FRMD3: variants seen among roughly 807,000 people sequenced by gnomAD.
FRMD3 encodes FERM domain containing 3.
Under a neutral mutation model 70.2 loss-of-function variants are expected in FRMD3, and 33 were observed. The ratio of observed to expected loss-of-function variants is 0.47; its 90% CI spans 0.36 to 0.63. The LOEUF (loss-of-function observed/expected upper bound fraction) is 0.63, where lower values mean the gene tolerates loss of function less well. Ranked by LOEUF, FRMD3 falls within the 20% of genes least tolerant of loss-of-function variation. The pLI is 0.00. For synonymous variants in FRMD3, 279 were observed against 255.9 expected (o/e 1.09, Z -0.86); for missense variants, 632 against 711.4 (o/e 0.89, Z 1.27).
intron 1 of FRMD3, among the ~76,000 whole-genome samples, chr9:83,450,647 C>A (rs1420397234): frequency 6.6e-6 from 1 of 152,150 alleles, no homozygotes; most frequent in Non-Finnish European, 1.5e-5. Context: ...CCTCAGCTCC[C>A]TGGAAAGGGA....
chr9:83,541,889 C>T (rs1830003742), upstream of FRMD3, among the ~76,000 whole-genome samples: 1 of 152,126 alleles, frequency 6.6e-6, no homozygotes, highest in Non-Finnish European at 1.5e-5. Flanking sequence ...TACAAATATT[C>T]CCAAATCTGA....
the FRMD3 span, among the ~76,000 whole-genome samples, chr9:83,571,074 G>A: frequency 2.2e-4 from 34 of 152,232 alleles, no homozygotes; most frequent in Non-Finnish European, 3.7e-4. Flanking sequence ...ATTGAGGCTG[G>A]GGGGGATTCC....
chr9:83,523,324 T>C (rs1057018685), intron 1 of FRMD3, among the ~76,000 whole-genome samples: 1 of 150,356 alleles, frequency 6.7e-6, no homozygotes, highest in African/African-American at 2.4e-5. Flanking sequence ...GATGGATGAA[T>C]AGATAGATAG....
chr9:83,525,269 A>C (rs1816203628), intron 1 of FRMD3, among the ~76,000 whole-genome samples: 1 of 152,216 alleles, frequency 6.6e-6, no homozygotes, highest in South Asian at 2.1e-4. Flanking sequence ...CCTGCTACAG[A>C]ATAATCATAT....
chr9:83,322,755 C>A (rs148864012), intron 6 of FRMD3, among the ~76,000 whole-genome samples: 4 of 152,288 alleles, frequency 2.6e-5, no homozygotes, highest in African/African-American at 2.4e-5. Flanking sequence ...TGCCCAGGAA[C>A]CTCTCCTGAC....
chr9:83,330,650 T>G (rs545502466), intron 6 of FRMD3, among the ~76,000 whole-genome samples: 2 of 152,364 alleles, frequency 1.3e-5, no homozygotes, highest in South Asian at 4.1e-4. Context: ...GCCTGCCACC[T>G]GTGTTGTCAA....
chr9:83,318,645 A>C (rs11140023), intron 6 of FRMD3, among the ~76,000 whole-genome samples: 18,904 of 152,040 alleles, frequency 0.12, 1,462 homozygotes, highest in Middle Eastern at 0.17. Flanking sequence ...CTTTGGGTAG[A>C]TATATATACA....
At chr9:83,430,715 T>C (rs1271411431) in intron 1 of FRMD3, among the ~76,000 whole-genome samples, 1 of 152,238 alleles carries the variant, frequency 6.6e-6, no homozygotes, top group African/African-American at 2.4e-5. Context: ...CCCACGTCCA[T>C]ATCTTCGATG....
At chr9:83,352,560 T>C (rs547385588) in intron 3 of FRMD3, among the ~76,000 whole-genome samples, 3 of 152,302 alleles carry the variant, frequency 2.0e-5, no homozygotes, top group Middle Eastern at 3.4e-3. Flanking sequence ...GCTCTGAGGC[T>C]CCAGGAAGGT....
chr9:83,435,885 G>C (rs1827119769), intron 1 of FRMD3, among the ~76,000 whole-genome samples: 1 of 152,050 alleles, frequency 6.6e-6, no homozygotes, highest in South Asian at 2.1e-4. Flanking sequence ...CTTTAACATG[G>C]TCCTAAGACC....
At position 83,247,990 on chromosome 9, in the gene FRMD3, T is replaced by C. The variant is rs756097949; in HGVS notation, c.1722A>G (p.Glu574=). The C allele has an allele frequency of 6.2e-7, 1 of 1,614,186 alleles. No homozygotes were observed. The highest frequency in any genetic ancestry group is 8.5e-7 in the Non-Finnish European group (1 of 1,180,028). The change falls in exon 14 of 14, where the codon GAA becomes GAG. Residue 574 remains glutamate, a synonymous_variant. Transcript: ENST00000304195. The stretch of plus-strand genomic sequence containing the variant: ...CCCACTCCTTGAGGGGACAGTAGTA[T>C]TCATAGTGAAACTGCTCAAACTCTG... The part of the protein sequence containing the change: ...QTPEFEQFHY[E]YYCPLKEWVA...
At chr9:83,411,932 A>G (rs1437133895) in intron 1 of FRMD3, among the ~76,000 whole-genome samples, 1 of 152,230 alleles carries the variant, frequency 6.6e-6, no homozygotes, top group Admixed American at 6.5e-5. Flanking sequence ...TTGGACTTTT[A>G]TCAGATAATT....
At chr9:83,565,030 G>A in the FRMD3 span, among the ~76,000 whole-genome samples, 586 of 152,264 alleles carry the variant, frequency 3.8e-3, 4 homozygotes, top group African/African-American at 0.012. Context: ...GGCTGTCAAC[G>A]CCAGTGATAT....
intron 1 of FRMD3, among the ~76,000 whole-genome samples, chr9:83,488,771 C>A (rs1389672198): frequency 6.6e-6 from 1 of 152,122 alleles, no homozygotes; most frequent in Admixed American, 6.5e-5. Flanking sequence ...CCATCAACAC[C>A]GCCCCATTAA....
the FRMD3 span, among the ~76,000 whole-genome samples, chr9:83,568,085 A>G: frequency 6.6e-6 from 1 of 152,266 alleles, no homozygotes; most frequent in Non-Finnish European, 1.5e-5. Context: ...ATGGCTAGGG[A>G]GGCCTCAGAA....
chr9:83,393,281 C>T (rs192533575), intron 1 of FRMD3, among the ~76,000 whole-genome samples: 6 of 152,272 alleles, frequency 3.9e-5, no homozygotes, highest in African/African-American at 1.2e-4. Flanking sequence ...AAGACAATTG[C>T]AATATTTTTA....
chr9:83,540,708 G>A (rs74862630), upstream of FRMD3, among the ~76,000 whole-genome samples: 2,660 of 152,266 alleles, frequency 0.017, 87 homozygotes, highest in African/African-American at 0.059. Flanking sequence ...CAAGGGATGA[G>A]TTTAAAACTG....
At chr9:83,498,801 T>A (rs572030854) in intron 1 of FRMD3, among the ~76,000 whole-genome samples, 1 of 152,036 alleles carries the variant, frequency 6.6e-6, no homozygotes, top group African/African-American at 2.4e-5. Context: ...TCAAAACAGC[T>A]CTTAGACAAG....
the FRMD3 span, among the ~76,000 whole-genome samples, chr9:83,570,234 A>T: frequency 6.6e-6 from 1 of 152,236 alleles, no homozygotes; most frequent in African/African-American, 2.4e-5. Context: ...CTGTGGGAAG[A>T]AACAACTTAT....
Sources: gnomAD v4.1 joint callset for allele counts (sites outside exome capture counted in the v4.1 genomes callset) on GRCh38, gnomAD v4.1.1 for gene constraint, MANE v1.5 for transcripts, NCBI Gene and HGNC (gene_info 2026-07-23, HGNC 2026-07-21) for gene names.